Variants in PTPRD observed in about 807,000 individuals in gnomAD.
PTPRD encodes the protein receptor-type tyrosine-protein phosphatase delta.
A neutral mutation model predicts 214.5 loss-of-function variants in PTPRD; 34 were observed. The observed-to-expected ratio is 0.16, with a 90% CI of 0.12 to 0.21. The LOEUF is 0.21. Among genes scored for constraint, PTPRD ranks in the 10% least tolerant of loss-of-function variants. The pLI, the probability that PTPRD is intolerant of heterozygous loss-of-function variation, is 1.00. For synonymous variants in PTPRD, 1,128 were observed against 845.7 expected (o/e 1.33, Z -5.79); for missense variants, 2,545 against 2,398.7 (o/e 1.06, Z -1.27).
intron 9 of PTPRD, among the ~76,000 whole-genome samples, chr9:9,396,006 C>T (rs1001754373): frequency 5.9e-5 from 9 of 152,078 alleles, no homozygotes; most frequent in African/African-American, 2.2e-4. Flanking sequence ...TCACAAATTA[C>T]TTGACTGAAA....
At chr9:8,445,340 C>T (rs1395242155) in intron 34 of PTPRD, among the ~76,000 whole-genome samples, 1 of 152,108 alleles carries the variant, frequency 6.6e-6, no homozygotes, top group Non-Finnish European at 1.5e-5. Context: ...TATACACTGC[C>T]ATCTGAACCA....
chr9:8,517,796 C>A (rs2097811058), intron 21 of PTPRD, 52 bp downstream of exon 21: 1 of 1,499,856 alleles, frequency 6.7e-7, no homozygotes, highest in South Asian at 1.2e-5. Context: ...CTTCTCACCT[C>A]TTTGCACCAG....
intron 9 of PTPRD, among the ~76,000 whole-genome samples, chr9:9,194,293 A>G (rs2099936953): frequency 6.6e-6 from 1 of 152,192 alleles, no homozygotes; most frequent in South Asian, 2.1e-4. Flanking sequence ...CTTTTTGTTT[A>G]TAGGTGGAAA....
At chr9:8,782,997 C>T (rs181276503) in intron 11 of PTPRD, among the ~76,000 whole-genome samples, 1 of 152,128 alleles carries the variant, frequency 6.6e-6, no homozygotes, top group African/African-American at 2.4e-5. Context: ...CTTCTCTACC[C>T]TTGCAGTTTT....
At chr9:10,602,462 C>A (rs1481852012) in intron 2 of PTPRD, among the ~76,000 whole-genome samples, 1 of 151,754 alleles carries the variant, frequency 6.6e-6, no homozygotes, top group Non-Finnish European at 1.5e-5. Context: ...GTTTCACTTT[C>A]ATCTCCAGGT....
intron 39 of PTPRD, among the ~76,000 whole-genome samples, chr9:8,348,234 CAT>C (rs1426552363): frequency 6.6e-6 from 1 of 152,136 alleles, no homozygotes; most frequent in African/African-American, 2.4e-5. Flanking sequence ...TTCTGCCTCA[CAT>C]GTTTCACAGT....
intron 23 of PTPRD, among the ~76,000 whole-genome samples, chr9:8,502,537 G>A (rs1474478177): frequency 6.6e-6 from 1 of 152,028 alleles, no homozygotes; most frequent in Non-Finnish European, 1.5e-5. Context: ...TGTAAATTTG[G>A]AATAAGATTT....
chr9:9,333,003 AG>A (rs955089342), intron 9 of PTPRD, among the ~76,000 whole-genome samples: 1 of 152,038 alleles, frequency 6.6e-6, no homozygotes, highest in African/African-American at 2.4e-5. Context: ...GTATCCAAAA[AG>A]CATGGATAAG....
intron 11 of PTPRD, among the ~76,000 whole-genome samples, chr9:8,951,867 G>C (rs1003841531): frequency 1.3e-5 from 2 of 151,918 alleles, no homozygotes; most frequent in Non-Finnish European, 2.9e-5. Context: ...ATTTTCTCCT[G>C]CTCAAAATTC....
chr9:10,085,322 T>C (rs974809303), intron 3 of PTPRD, among the ~76,000 whole-genome samples: 5 of 151,852 alleles, frequency 3.3e-5, no homozygotes, highest in African/African-American at 9.7e-5. Context: ...CTGATTAACA[T>C]TGACATCATG....
chr9:10,567,545 G>T (rs1440063801), intron 2 of PTPRD, among the ~76,000 whole-genome samples: 4 of 152,048 alleles, frequency 2.6e-5, no homozygotes, highest in African/African-American at 9.7e-5. Flanking sequence ...TAGAGTGGGT[G>T]CTTATAGCCC....
intron 2 of PTPRD, among the ~76,000 whole-genome samples, chr9:10,421,673 A>G (rs1700526540): frequency 6.6e-6 from 1 of 151,902 alleles, no homozygotes; most frequent in African/African-American, 2.4e-5. Context: ...ATAGTGATCC[A>G]TTTGGTTTCT....
chr9:9,856,092 G>A (rs1313812740), intron 5 of PTPRD, among the ~76,000 whole-genome samples: 1 of 152,132 alleles, frequency 6.6e-6, no homozygotes, highest in African/African-American at 2.4e-5. Flanking sequence ...GCTGAGAAAG[G>A]GATAAGGTGG....
At chr9:8,585,848 TATGTTAGAG>T (rs1222217765) in intron 14 of PTPRD, among the ~76,000 whole-genome samples, 1 of 152,228 alleles carries the variant, frequency 6.6e-6, no homozygotes, top group Non-Finnish European at 1.5e-5. Flanking sequence ...ACTATGTTCT[TATGTTAGAG>T]ATCAAAACAT....
At chr9:9,603,861 A>G (rs550632099) in intron 7 of PTPRD, among the ~76,000 whole-genome samples, 1 of 151,782 alleles carries the variant, frequency 6.6e-6, no homozygotes, top group East Asian at 1.9e-4. Context: ...TTTAACTTTT[A>G]TTTTAGTTTC....
At chr9:10,020,475 G>GT (rs201336638) in intron 4 of PTPRD, among the ~76,000 whole-genome samples, 53,421 of 124,506 alleles carry the variant, frequency 0.43, 13,404 homozygotes, top group Middle Eastern at 0.63. Flanking sequence ...GCTAATTTTT[G>GT]TTTTTTTAGT....
At chr9:9,850,089 C>G (rs1035890684) in intron 5 of PTPRD, among the ~76,000 whole-genome samples, 5 of 152,122 alleles carry the variant, frequency 3.3e-5, no homozygotes, top group African/African-American at 1.2e-4. Context: ...ACCAGCCCGT[C>G]ACACCCCAGA....
intron 2 of PTPRD, among the ~76,000 whole-genome samples, chr9:10,523,292 A>G (rs2052997876): frequency 6.6e-6 from 1 of 152,024 alleles, no homozygotes; most frequent in Non-Finnish European, 1.5e-5. Flanking sequence ...AGTACCACGT[A>G]TAATCAACAC....
chr9:8,435,524 C>T (rs1348933877), intron 35 of PTPRD, among the ~76,000 whole-genome samples: 4 of 152,056 alleles, frequency 2.6e-5, no homozygotes, highest in Non-Finnish European at 4.4e-5. Flanking sequence ...TTTGGTATAT[C>T]TACAAGATTT....
Sources: gnomAD v4.1 joint callset for allele counts (sites outside exome capture counted in the v4.1 genomes callset) on GRCh38, gnomAD v4.1.1 for gene constraint, MANE v1.5 for transcripts, NCBI Gene and HGNC (gene_info 2026-07-23, HGNC 2026-07-21) for gene names.